Variants in CNTNAP4 observed in about 807,000 individuals in gnomAD.
The protein encoded by CNTNAP4 is contactin associated protein family member 4.
In CNTNAP4, 98 loss-of-function variants were observed where a neutral mutation model predicts 148.4. That is an observed-to-expected ratio of 0.66 (90% CI 0.56 to 0.78). The LOEUF (loss-of-function observed/expected upper bound fraction) is 0.78. Among genes scored for constraint, CNTNAP4 ranks in the 30% least tolerant of loss-of-function variants. The pLI, the probability that CNTNAP4 is intolerant of heterozygous loss-of-function variation, is 0.00. For synonymous variants in CNTNAP4, 730 were observed against 565.1 expected (o/e 1.29, Z -4.14); for missense variants, 1,935 against 1,565.6 (o/e 1.24, Z -3.98).
At chr16:76,442,002 C>G (rs992925803) in intron 4 of CNTNAP4, among the ~76,000 whole-genome samples, 1 of 152,112 alleles carries the variant, frequency 6.6e-6, no homozygotes, top group South Asian at 2.1e-4. Flanking sequence ...ATATCTTAGT[C>G]CCTGAAACCT....
intron 3 of CNTNAP4, among the ~76,000 whole-genome samples, chr16:76,375,249 C>T (rs2015303296): frequency 1.3e-5 from 2 of 151,988 alleles, no homozygotes; most frequent in Admixed American, 1.3e-4. Flanking sequence ...TGGTAAAACC[C>T]TGTCTCCACT....
rs942304617 is a variant in CNTNAP4, at chr16:76,494,913, G to A, written c.2084G>A (p.Gly695Glu). Reference sequence around the variant, plus strand: ...ATTTTTCACGTTTTTCTTTCAGATGGAACCCCTCTGAGTTGGTGGGTAGGA... The same window carrying A: ...ATTTTTCACGTTTTTCTTTCAGATGAAACCCCTCTGAGTTGGTGGGTAGGA... ...KKSRLVNKQD[G>E]TPLSWWVGRT... The change falls in exon 14 of 24, where the codon GGA becomes GAA. Residue 695 changes from glycine to glutamate, a missense_variant. By Grantham distance (98) the Gly-to-Glu change is moderately conservative. Coordinates refer to ENST00000611870, the MANE Select transcript of CNTNAP4 (RefSeq NM_033401.5). 7 of 1,612,476 alleles carry A rather than the reference G, an allele frequency of 4.3e-6. No homozygotes were observed. The highest frequency in any genetic ancestry group is 1.1e-5 in the South Asian group (1 of 90,934).
chr16:76,425,635 G>T (rs2079362790), intron 3 of CNTNAP4, among the ~76,000 whole-genome samples: 1 of 152,076 alleles, frequency 6.6e-6, no homozygotes, highest in African/African-American at 2.4e-5. Context: ...GATCAAAAAG[G>T]GCCTGTCTTG....
intron 17 of CNTNAP4, among the ~76,000 whole-genome samples, chr16:76,527,705 A>G (rs2083800877): frequency 1.3e-5 from 2 of 152,318 alleles, no homozygotes; most frequent in South Asian, 4.1e-4. Flanking sequence ...ATAAAATTGT[A>G]TGGTATTTGA....
rs540633765 is a variant in CNTNAP4 at position 76,450,100 on chromosome 16, A to G, written c.1071+242A>G. ...CAGTGTTTTTATGGTTGATATTTTA[A>G]TTTTATTGTGATGTCATTACTCACA... On this transcript the variant is annotated intron_variant, in intron 7 of 23. Coordinates refer to ENST00000611870, the MANE Select transcript of CNTNAP4 (RefSeq NM_033401.5). Among the ~76,000 whole-genome samples the G allele has an allele frequency of 1.7e-3, 253 of 151,940 alleles. 1 individual carries two copies. The highest frequency in any genetic ancestry group is 3.0e-3 in the Non-Finnish European group (203 of 67,930).
chr16:76,403,534 A>T (rs566975725), intron 3 of CNTNAP4, among the ~76,000 whole-genome samples: 1 of 152,336 alleles, frequency 6.6e-6, no homozygotes, highest in Non-Finnish European at 1.5e-5. Flanking sequence ...ATTATTAAAA[A>T]GTTAAAAAGT....
chr16:76,370,364 A>G (rs945182938), intron 3 of CNTNAP4, among the ~76,000 whole-genome samples: 16 of 152,162 alleles, frequency 1.1e-4, no homozygotes, highest in African/African-American at 3.9e-4. Flanking sequence ...AAGTTACCTC[A>G]GAATGCTAGA....
At chr16:76,449,510 A>G (rs1240183809) in intron 6 of CNTNAP4, among the ~76,000 whole-genome samples, 1 of 152,196 alleles carries the variant, frequency 6.6e-6, no homozygotes, top group Non-Finnish European at 1.5e-5. Flanking sequence ...AGATGTGATC[A>G]GCAACTTGTA....
intron 21 of CNTNAP4, among the ~76,000 whole-genome samples, chr16:76,543,629 A>G (rs962112034): frequency 6.6e-6 from 1 of 152,228 alleles, no homozygotes; most frequent in African/African-American, 2.4e-5. Flanking sequence ...ACCAATGTGC[A>G]GTCTAAGAAA....
intron 3 of CNTNAP4, among the ~76,000 whole-genome samples, chr16:76,386,216 A>G (rs1041563160): frequency 6.6e-6 from 1 of 152,194 alleles, no homozygotes; most frequent in Non-Finnish European, 1.5e-5. Flanking sequence ...AAGAACTGTA[A>G]TTTACTATTT....
At chr16:76,546,660 C>T (rs756348434) in intron 21 of CNTNAP4, among the ~76,000 whole-genome samples, 4 of 152,132 alleles carry the variant, frequency 2.6e-5, no homozygotes, top group Admixed American at 2.6e-4. Flanking sequence ...AAATGTAATG[C>T]ACTTGAATCA....
At chr16:76,550,998 A>G (rs1014631160) in intron 21 of CNTNAP4, among the ~76,000 whole-genome samples, 1 of 152,184 alleles carries the variant, frequency 6.6e-6, no homozygotes, top group Non-Finnish European at 1.5e-5. Context: ...AATCGCTCTG[A>G]TTTTCCATTT....
chr16:76,498,583 T>C lies in CNTNAP4; in HGVS notation c.2254T>C (p.Leu752=), dbSNP rs1713847111. The change falls in exon 15 of 24, where the codon TTG becomes CTG. Residue 752 remains leucine (L), a synonymous_variant. Coordinates refer to ENST00000611870, the MANE Select transcript of CNTNAP4 (RefSeq NM_033401.5). The part of the protein sequence containing the change: ...DRNEWTNDTG[L]LAYKEHLPVT... ...GTTTTTTAGGACCAATGACACTGGA[T>C]TGCTTGCTTATAAAGAACATCTTCC... The C allele has an allele frequency of 6.2e-7, 1 of 1,612,148 alleles. No homozygotes were observed. Among genetic ancestry groups the C allele is most frequent in the Admixed American group, 1.7e-5 (1 of 59,802 alleles).
At chr16:76,515,908 C>T (rs940085746) in intron 15 of CNTNAP4, among the ~76,000 whole-genome samples, 2 of 151,940 alleles carry the variant, frequency 1.3e-5, no homozygotes, top group African/African-American at 2.4e-5. Flanking sequence ...ACTAGAAAAC[C>T]GTTTAGTAGT....
chr16:76,307,642 A>G (rs1463441087), intron 1 of CNTNAP4, among the ~76,000 whole-genome samples: 2 of 151,538 alleles, frequency 1.3e-5, no homozygotes, highest in Non-Finnish European at 1.5e-5. Flanking sequence ...ATCTGTCAAT[A>G]AAAGTCTGTA....
chr16:76,314,050 C>T (rs17562363), intron 1 of CNTNAP4, among the ~76,000 whole-genome samples: 205 of 152,272 alleles, frequency 1.3e-3, no homozygotes, highest in Non-Finnish European at 2.5e-3. Flanking sequence ...TACTTTCCCT[C>T]GCTCTTTGTG....
chr16:76,454,072 G>A (rs559363298), intron 8 of CNTNAP4, among the ~76,000 whole-genome samples: 30 of 148,986 alleles, frequency 2.0e-4, no homozygotes, highest in Non-Finnish European at 4.2e-4. Flanking sequence ...TCAGTGCAAC[G>A]TTACTTTGGG....
chr16:76,558,636 A>C lies in CNTNAP4; in HGVS notation c.3880A>C (p.Asn1294His), dbSNP rs1190150382. The C allele has an allele frequency of 6.2e-7, 1 of 1,612,480 alleles. No homozygotes were observed. Among genetic ancestry groups the C allele is most frequent in the Non-Finnish European group, 8.5e-7 (1 of 1,179,342 alleles). Residue 1294 changes from asparagine to histidine, a missense_variant, in exon 24 of 24, where the codon AAT becomes CAT. Coordinates refer to ENST00000611870, the MANE Select transcript of CNTNAP4 (RefSeq NM_033401.5). The stretch of plus-strand genomic sequence containing the variant: ...TGAGGCTGTTCTGAAAAGTGAGCTT[A>C]ATATACAAAATGCAGTCAATGAAAA... ...SAEAVLKSEL[N>H]IQNAVNENQK...
At chr16:76,290,616 T>C (rs1228124275) in intron 1 of CNTNAP4, among the ~76,000 whole-genome samples, 1 of 152,168 alleles carries the variant, frequency 6.6e-6, no homozygotes, top group Non-Finnish European at 1.5e-5. Context: ...GGTAAGTGGT[T>C]GAAACAGCCT....
Sources: allele counts gnomAD v4.1 joint callset (sites outside exome capture counted in the v4.1 genomes callset), GRCh38; gene constraint gnomAD v4.1.1; transcripts MANE v1.5; gene names NCBI Gene and HGNC (gene_info 2026-07-23, HGNC 2026-07-21).